APBA1: variants seen among roughly 807,000 people sequenced by gnomAD.
APBA1 encodes amyloid-beta A4 precursor protein-binding family A member 1.
Under a neutral mutation model 86.6 loss-of-function variants are expected in APBA1, and 55 were observed. The ratio of observed to expected loss-of-function variants is 0.64; its 90% CI spans 0.51 to 0.80. The LOEUF (loss-of-function observed/expected upper bound fraction) is 0.80, where lower values mean the gene tolerates loss of function less well. Ranked by LOEUF, APBA1 falls within the 30% of genes least tolerant of loss-of-function variation. APBA1 has a pLI of 0.00. For missense variants in APBA1, 1,090 were observed against 1,183.0 expected (o/e 0.92, Z 1.15); for synonymous variants, 511 against 493.9 (o/e 1.03, Z -0.46).
At chr9:69,450,238 AAAAT>A (rs890302284) in intron 9 of APBA1, among the ~76,000 whole-genome samples, 18 of 152,040 alleles carry the variant, frequency 1.2e-4, no homozygotes, top group Admixed American at 3.3e-4. Flanking sequence ...TCTTGAGTTA[AAAAT>A]AAATAAACAC....
chr9:69,609,581 T>A (rs1006540246), intron 1 of APBA1, among the ~76,000 whole-genome samples: 1 of 152,196 alleles, frequency 6.6e-6, no homozygotes, highest in Non-Finnish European at 1.5e-5. Context: ...AAATAAACAT[T>A]TTCTTTTAGA....
Position 69,517,279 on chromosome 9 carries a change from G to A in APBA1, c.-69C>T. The A allele has an allele frequency of 2.1e-6, 3 of 1,408,606 alleles. No individual in the cohort carries two copies. The highest frequency in any genetic ancestry group is 2.8e-6 in the Non-Finnish European group (3 of 1,085,238). 87.3% of individuals were successfully genotyped at this position (1,408,606 alleles called of 1,614,324 possible). ...CTGCGCTCTCATTTTGCTCCACTGG[G>A]CTGGAAAAACAAGAAGGGGAGAGGC... On this transcript the variant is annotated splice_region_variant and 5_prime_UTR_variant, in exon 2 of 13. Transcript: ENST00000265381.
intron 5 of APBA1, chr9:69,460,650 C>G (rs980880709): frequency 6.6e-6 from 1 of 150,750 alleles, no homozygotes; most frequent in Non-Finnish European, 1.5e-5. Context: ...CTGGAGTACC[C>G]AAATTCTTTT....
intron 11 of APBA1, 69 bp downstream of exon 11, chr9:69,440,926 AC>A (rs563239905): frequency 3.6e-5 from 56 of 1,562,956 alleles, no homozygotes; most frequent in Admixed American, 5.3e-5. Flanking sequence ...TCTTGGCTCC[AC>A]CCCCCCAGCC....
intron 2 of APBA1, among the ~76,000 whole-genome samples, chr9:69,502,388 A>C (rs1835892277): frequency 1.3e-5 from 2 of 152,122 alleles, no homozygotes; most frequent in African/African-American, 4.8e-5. Context: ...TGGTGAGATC[A>C]AAGCAAACAT....
At chr9:69,564,380 A>G (rs1047653283) in intron 1 of APBA1, among the ~76,000 whole-genome samples, 1 of 152,220 alleles carries the variant, frequency 6.6e-6, no homozygotes, top group African/African-American at 2.4e-5. Context: ...AACATCTCTG[A>G]ATTATAAAAG....
intron 1 of APBA1, among the ~76,000 whole-genome samples, chr9:69,537,347 GCACTAAGTAGATGATCCCACCTTTT>G (rs1345585296): frequency 6.6e-6 from 1 of 151,986 alleles, no homozygotes; most frequent in Admixed American, 6.6e-5. Flanking sequence ...CTTCACCTCT[GCACTAAGTAGATGATCCCACCTTTT>G]CACTGGGACA....
chr9:69,456,099 G>T, intron 8 of APBA1, 148 bp downstream of exon 8: 2 of 900,808 alleles, frequency 2.2e-6, no homozygotes, highest in Non-Finnish European at 3.5e-6. Flanking sequence ...GTTTTACTCA[G>T]CCTTATATCT....
At chr9:69,511,799 C>T (rs924771918) in intron 2 of APBA1, among the ~76,000 whole-genome samples, 7 of 151,906 alleles carry the variant, frequency 4.6e-5, no homozygotes, top group African/African-American at 1.7e-4. Flanking sequence ...TGGAAATCAT[C>T]ATTCTCAGTA....
intron 2 of APBA1, among the ~76,000 whole-genome samples, chr9:69,505,632 CT>C (rs1455633518): frequency 3.8e-4 from 58 of 152,262 alleles, no homozygotes; most frequent in African/African-American, 1.4e-3. Context: ...ACACTGTGTG[CT>C]TGCTAACATC....
chr9:69,498,145 T>A (rs547806063), intron 2 of APBA1, among the ~76,000 whole-genome samples: 2 of 152,242 alleles, frequency 1.3e-5, no homozygotes, highest in African/African-American at 4.8e-5. Context: ...ACCCTGTGAC[T>A]GGGTTACAAA....
At chr9:69,621,856 A>T (rs1276065420) in intron 1 of APBA1, among the ~76,000 whole-genome samples, 1 of 152,192 alleles carries the variant, frequency 6.6e-6, no homozygotes, top group Non-Finnish European at 1.5e-5. Flanking sequence ...TAGTGAATAA[A>T]CCATAGCATT....
intron 2 of APBA1, among the ~76,000 whole-genome samples, chr9:69,482,928 A>G (rs10125268): frequency 0.18 from 24,489 of 133,952 alleles, 2,223 homozygotes; most frequent in Admixed American, 0.25. Context: ...ATGAGATCGC[A>G]TGGACACAGG....
intron 2 of APBA1, among the ~76,000 whole-genome samples, chr9:69,500,457 A>C (rs1835864166): frequency 3.3e-5 from 5 of 152,162 alleles, no homozygotes; most frequent in Admixed American, 3.3e-4. Flanking sequence ...GGAGGAAAGC[A>C]GGTGACAAAC....
At chr9:69,540,263 ATATT>A (rs1202036117) in intron 1 of APBA1, among the ~76,000 whole-genome samples, 1 of 152,084 alleles carries the variant, frequency 6.6e-6, no homozygotes, top group Non-Finnish European at 1.5e-5. Context: ...GATATATTAC[ATATT>A]TATTTATTGT....
intron 1 of APBA1, among the ~76,000 whole-genome samples, chr9:69,635,052 T>C (rs1179804813): frequency 1.3e-5 from 2 of 152,142 alleles, no homozygotes; most frequent in Admixed American, 1.3e-4. Flanking sequence ...TCACTAGTGA[T>C]AGTAAGTGCA....
At chr9:69,506,224 G>A (rs1397824905) in intron 2 of APBA1, among the ~76,000 whole-genome samples, 3 of 151,846 alleles carry the variant, frequency 2.0e-5, no homozygotes, top group Admixed American at 6.5e-5. Context: ...CCGTGCGCGA[G>A]CCAAAGCAGG....
At chr9:69,483,378 G>A (rs965362201) in intron 2 of APBA1, among the ~76,000 whole-genome samples, 3 of 151,914 alleles carry the variant, frequency 2.0e-5, no homozygotes, top group African/African-American at 7.3e-5. Flanking sequence ...TGATCTCTCG[G>A]GACCAGCCCC....
chr9:69,541,547 A>ATTTTTTTTTTTTTTTTTTTTTT (rs11461593), intron 1 of APBA1, among the ~76,000 whole-genome samples: 1 of 142,098 alleles, frequency 7.0e-6, no homozygotes, highest in Non-Finnish European at 1.5e-5. Context: ...TCTTTTTTGC[A>ATTTTTTTTTTTTTTTTTTTTTT]TTTTTTTTTT....
Sources: gnomAD v4.1 joint callset for allele counts (sites outside exome capture counted in the v4.1 genomes callset) on GRCh38, gnomAD v4.1.1 for gene constraint, MANE v1.5 for transcripts, NCBI Gene and HGNC (gene_info 2026-07-23, HGNC 2026-07-21) for gene names.